Variants in DCC observed in about 807,000 individuals in gnomAD.
The protein encoded by DCC is netrin receptor DCC.
In DCC, 58 loss-of-function variants were observed where a neutral mutation model predicts 172.5. That is an observed-to-expected ratio of 0.34 (90% CI 0.27 to 0.42). DCC has a LOEUF of 0.42. Among genes scored for constraint, DCC ranks in the 10% least tolerant of loss-of-function variants. DCC has a pLI of 1.00. For missense variants in DCC, 1,740 were observed against 1,791.0 expected (o/e 0.97, Z 0.51); for synonymous variants, 709 against 644.5 (o/e 1.10, Z -1.52).
At chr18:53,393,227 CCA>C (rs1908689326) in intron 17 of DCC, among the ~76,000 whole-genome samples, 1 of 152,170 alleles carries the variant, frequency 6.6e-6, no homozygotes. Context: ...TTCTCTCTCC[CCA>C]TAGCCATGCT....
chr18:53,299,619 A>G (rs566005301), intron 12 of DCC, among the ~76,000 whole-genome samples: 2 of 152,302 alleles, frequency 1.3e-5, no homozygotes, highest in Admixed American at 6.5e-5. Context: ...ATTAGTTCAT[A>G]TGTCTCTTTC....
intron 7 of DCC, among the ~76,000 whole-genome samples, chr18:53,068,173 A>G (rs2042600672): frequency 6.6e-6 from 1 of 152,300 alleles, no homozygotes; most frequent in Admixed American, 6.5e-5. Context: ...GACTAAGTAT[A>G]TTATTTTCTG....
At chr18:53,300,547 A>G (rs2144769745) in intron 12 of DCC, among the ~76,000 whole-genome samples, 1 of 152,316 alleles carries the variant, frequency 6.6e-6, no homozygotes, top group African/African-American at 2.4e-5. Context: ...AAAGTTAAAG[A>G]GTTGACAATA....
chr18:52,845,512 G>T (rs1375684967), intron 2 of DCC, among the ~76,000 whole-genome samples: 1 of 152,122 alleles, frequency 6.6e-6, no homozygotes, highest in Non-Finnish European at 1.5e-5. Context: ...TTAGGAAAAA[G>T]ACCATGAAAA....
chr18:53,476,917 A>T (rs1357697464), intron 25 of DCC, among the ~76,000 whole-genome samples: 1 of 152,264 alleles, frequency 6.6e-6, no homozygotes, highest in Admixed American at 6.5e-5. Flanking sequence ...TAACTTGGTC[A>T]CATCACATTC....
intron 2 of DCC, among the ~76,000 whole-genome samples, chr18:52,838,641 A>C (rs2038754438): frequency 6.6e-6 from 1 of 152,250 alleles, no homozygotes; most frequent in Non-Finnish European, 1.5e-5. Flanking sequence ...ACTATGAACC[A>C]GATATTTGGA....
chr18:52,727,750 G>A (rs2036573152), intron 1 of DCC, among the ~76,000 whole-genome samples: 1 of 152,142 alleles, frequency 6.6e-6, no homozygotes, highest in African/African-American at 2.4e-5. Context: ...CATGAAGCAG[G>A]GATTTTGTTG....
intron 5 of DCC, among the ~76,000 whole-genome samples, chr18:52,967,442 G>A (rs1470426918): frequency 2.0e-5 from 3 of 152,164 alleles, no homozygotes; most frequent in Non-Finnish European, 2.9e-5. Context: ...TGTATAATAT[G>A]TACTGTATAG....
intron 1 of DCC, among the ~76,000 whole-genome samples, chr18:52,470,886 T>C (rs1988927533): frequency 6.6e-6 from 1 of 152,106 alleles, no homozygotes; most frequent in Non-Finnish European, 1.5e-5. Flanking sequence ...ACACTAAACA[T>C]TAAAGAACTG....
chr18:53,231,987 A>G (rs980947820), intron 12 of DCC, among the ~76,000 whole-genome samples: 2 of 152,044 alleles, frequency 1.3e-5, no homozygotes, highest in African/African-American at 4.8e-5. Flanking sequence ...AATGACAGGG[A>G]TATTTTTGTC....
At chr18:52,673,397 T>G (rs1294606085) in intron 1 of DCC, among the ~76,000 whole-genome samples, 1 of 152,194 alleles carries the variant, frequency 6.6e-6, no homozygotes, top group Non-Finnish European at 1.5e-5. Context: ...TCAGGGACTT[T>G]GGAGAATGTC....
At chr18:53,285,563 C>T (rs2056925758) in intron 12 of DCC, among the ~76,000 whole-genome samples, 4 of 152,348 alleles carry the variant, frequency 2.6e-5, no homozygotes, top group Admixed American at 2.6e-4. Flanking sequence ...GGGCACGACC[C>T]TCGTGGAGAA....
intron 5 of DCC, among the ~76,000 whole-genome samples, chr18:52,989,170 G>T (rs1042674760): frequency 6.6e-6 from 1 of 152,062 alleles, no homozygotes; most frequent in East Asian, 1.9e-4. Context: ...TCAGATTATA[G>T]TTTTTTAATC....
rs149905275 is a variant in DCC at position 53,211,466 on chromosome 18, G to A, written c.1861+3649G>A. Among the ~76,000 whole-genome samples, 1,479 of 152,286 alleles carry A rather than the reference G, an allele frequency of 9.7e-3. 48 individuals carry two copies. Among genetic ancestry groups the A allele is most frequent in the Admixed American group, 0.06 (915 of 15,300 alleles). ...TGGCCAGGCATGGTGGCTCACTCTT[G>A]TAATCCCAGCACTGTGGGAGGCCCA... On this transcript the variant is annotated intron_variant, in intron 11 of 28. Transcript: ENST00000442544.
chr18:52,784,934 G>GGAGAGAGAGAGAGAAGAGAAGGGGGGAGA (rs2037627004), intron 2 of DCC, among the ~76,000 whole-genome samples: 1 of 141,446 alleles, frequency 7.1e-6, no homozygotes, highest in African/African-American at 2.7e-5. Context: ...AGAGAAGGGG[G>GGAGAGAGAGAGAGAAGAGAAGGGGGGAGA]GAGAGAGAGA....
At chr18:52,497,198 C>T (rs1280190950) in intron 1 of DCC, among the ~76,000 whole-genome samples, 3 of 144,944 alleles carry the variant, frequency 2.1e-5, no homozygotes, top group African/African-American at 7.6e-5. Context: ...GAATTTGAGG[C>T]TGCAGTTAAC....
At chr18:52,823,151 A>G (rs1207487541) in intron 2 of DCC, among the ~76,000 whole-genome samples, 1 of 152,124 alleles carries the variant, frequency 6.6e-6, no homozygotes, top group Non-Finnish European at 1.5e-5. Flanking sequence ...TTTGTTTATA[A>G]TTACAGTCAA....
chr18:53,335,641 T>C (rs2057583214), intron 14 of DCC, among the ~76,000 whole-genome samples: 1 of 152,130 alleles, frequency 6.6e-6, no homozygotes, highest in South Asian at 2.1e-4. Flanking sequence ...AATCCATAAT[T>C]CAATAATATA....
At position 53,012,933 on chromosome 18, in the gene DCC, CAAAAG is replaced by C. The variant is rs1190343905; in HGVS notation, c.986-50369_986-50365del. 3.3e-5 allele frequency among the ~76,000 whole-genome samples: 5 copies of C among 152,138 alleles called. No homozygotes were observed. The East Asian group carries it at 9.7e-4, about 29-fold the overall frequency. On this transcript the variant is annotated intron_variant, in intron 5 of 28. Coordinates refer to ENST00000442544, the MANE Select transcript of DCC (RefSeq NM_005215.4). The stretch of plus-strand genomic sequence containing the variant: ...GCAAAGGATATGAACAGACACTTCT[CAAAAG>C]AAGACATCTGCAGCCAACAAATATG...
Sources: gnomAD v4.1 joint callset for allele counts (sites outside exome capture counted in the v4.1 genomes callset) on GRCh38, gnomAD v4.1.1 for gene constraint, MANE v1.5 for transcripts, NCBI Gene and HGNC (gene_info 2026-07-23, HGNC 2026-07-21) for gene names.